Variants in AP2A1 observed in about 807,000 individuals in gnomAD.
AP2A1 encodes AP-2 complex subunit alpha-1.
In AP2A1, 21 loss-of-function variants were observed where a neutral mutation model predicts 107.3. The ratio of observed to expected loss-of-function variants is 0.20; its 90% CI spans 0.14 to 0.28. The LOEUF (loss-of-function observed/expected upper bound fraction) is 0.28. AP2A1 is among the 10% of genes least tolerant of loss of function. AP2A1 has a pLI of 1.00. For missense variants in AP2A1, 873 were observed against 1,307.7 expected (o/e 0.67, Z 5.13); for synonymous variants, 602 against 564.8 (o/e 1.07, Z -0.93).
Position 49,781,938 on chromosome 19 carries a change from C to T in AP2A1, c.137-9C>T. ...TTCTGGCTCCCCTTTCCTCCTTCCT[C>T]TGCCCTAGGAGACAAAGCCTTGGAT... On this transcript the variant is annotated splice_polypyrimidine_tract_variant and intron_variant, in intron 2 of 22. Transcript: ENST00000354293. The T allele has an allele frequency of 6.2e-7, 1 of 1,611,512 alleles. No individual in the cohort carries two copies. The highest frequency in any genetic ancestry group is 8.5e-7 in the Non-Finnish European group (1 of 1,179,042).
rs2073096063 is a variant in AP2A1 at position 49,788,082 on chromosome 19, G to A, written c.474-3853G>A. The stretch of plus-strand genomic sequence containing the variant: ...CCACGTCAGCCACTCCAGCAGCCGG[G>A]ACTACAGGCACAAGCCACCAGGCCT... On this transcript the variant is annotated intron_variant, in intron 4 of 22. Coordinates refer to ENST00000354293, the MANE Select transcript of AP2A1 (RefSeq NM_130787.3). This position sits in a 1 kb window ranked among gnomAD's most constrained non-coding sequence, Gnocchi z 4.5. Among the ~76,000 whole-genome samples, 1 of 152,162 alleles carries A rather than the reference G, an allele frequency of 6.6e-6. No homozygotes were observed. The highest frequency in any genetic ancestry group is 1.5e-5 in the Non-Finnish European group (1 of 68,032).
chr19:49,791,966 G>T lies in AP2A1; in HGVS notation c.505G>T (p.Ala169Ser), dbSNP rs1451235524. Residue 169 changes from alanine to serine, a missense_variant, in exon 5 of 23, where the codon GCC becomes TCC. By Grantham distance (99) the Ala-to-Ser change is moderately conservative. Transcript: ENST00000354293. ...CATGGACAGTGTCAAGCAGAGTGCG[G>T]CCCTGTGCCTCCTTCGACTGTACAA... ...DSMDSVKQSA[A>S]LCLLRLYKAS... The T allele has an allele frequency of 6.2e-7, 1 of 1,611,684 alleles. No individual in the cohort carries two copies. The highest frequency in any genetic ancestry group is 8.5e-7 in the Non-Finnish European group (1 of 1,179,242).
rs1211024322 is a variant in AP2A1 at position 49,805,614 on chromosome 19, CG to C, written c.2468+42del. The C allele has an allele frequency of 6.4e-6, 10 of 1,556,592 alleles. No homozygotes were observed. The African/African-American group carries it at 8.2e-5, about 13-fold the overall frequency. ...CGGCGCGGCCGGTGGGCGGAGCCTCCGGGGTGAGGGGCGGGGCCTAATGGAG... is the reference window on the plus strand; with the variant it reads ...CGGCGCGGCCGGTGGGCGGAGCCTCCGGGTGAGGGGCGGGGCCTAATGGAG... On this transcript the variant is annotated intron_variant, in intron 19 of 22. Transcript: ENST00000354293.
At chr19:49,803,679 A>G in intron 18 of AP2A1, 2 of 432,782 alleles carry the variant, frequency 4.6e-6, no homozygotes, top group South Asian at 4.2e-5. Context: ...GCTCCATGTC[A>G]TGATGCCAGC....
At chr19:49,787,268 C>T (rs1375369412) in intron 4 of AP2A1, among the ~76,000 whole-genome samples, 1 of 151,648 alleles carries the variant, frequency 6.6e-6, no homozygotes, top group Non-Finnish European at 1.5e-5. Context: ...AGCAATCCTC[C>T]TGCCTCAGCC....
At chr19:49,806,646 C>A (rs746617556) in intron 22 of AP2A1, 35 bp from the exon 23 acceptor site, 1 of 1,611,404 alleles carries the variant, frequency 6.2e-7, no homozygotes, top group Admixed American at 1.7e-5. Context: ...GGCTCCCCAT[C>A]TCCTCTGAGT....
At position 49,801,614 on chromosome 19, in the gene AP2A1, A is replaced by G. The variant is rs2073279578; in HGVS notation, c.1778A>G (p.Asp593Gly). The change falls in exon 13 of 23, where the codon GAC becomes GGC. Residue 593 changes from aspartate to glycine, a missense_variant. Physicochemically the swap from Asp to Gly is moderately conservative, Grantham distance 94. Around this residue, in one of 4 missense-constraint regions of AP2A1, gnomAD observed 213 missense variants for 443.5 expected, o/e 0.48. Coordinates refer to ENST00000354293, the MANE Select transcript of AP2A1 (RefSeq NM_130787.3). The stretch of plus-strand genomic sequence containing the variant: ...ACCCTCAGCTCAGTGGCCAGCACCG[A>G]CGTCCTGGTCAGAGCCCTGTCCCCC... ...YLTLSSVAST[D>G]VLATVLEEMP... The G allele has an allele frequency of 6.2e-7, 1 of 1,610,866 alleles. No individual in the cohort carries two copies.
intron 4 of AP2A1, among the ~76,000 whole-genome samples, chr19:49,783,828 T>G (rs922559752): frequency 2.0e-5 from 3 of 152,192 alleles, no homozygotes; most frequent in African/African-American, 7.2e-5. Context: ...TAAACCCCCT[T>G]GGGGACTATG....
intron 1 of AP2A1, among the ~76,000 whole-genome samples, chr19:49,774,404 A>C (rs540156828): frequency 6.6e-6 from 1 of 152,088 alleles, no homozygotes; most frequent in African/African-American, 2.4e-5. Flanking sequence ...CCTGCTGAGC[A>C]GGGGGGCTGA....
rs78344384 is a variant in AP2A1, at chr19:49,775,765, G to A, written c.68-5992G>A. Reference sequence around the variant, plus strand: ...TTGTACAGGAAGCACATCAGGTCTCGGTCTCTGTAGAGGAAATGTCCTTGG... The same window carrying A: ...TTGTACAGGAAGCACATCAGGTCTCAGTCTCTGTAGAGGAAATGTCCTTGG... On this transcript the variant is annotated intron_variant, in intron 1 of 22. Coordinates refer to ENST00000354293, the MANE Select transcript of AP2A1 (RefSeq NM_130787.3). 6.9e-3 allele frequency among the ~76,000 whole-genome samples: 1,058 copies of A among 152,292 alleles called. 16 individuals carry two copies. Among genetic ancestry groups the A allele is most frequent in the African/African-American group, 0.024 (990 of 41,572 alleles).
rs1331892655 is a variant in AP2A1, at chr19:49,788,761, G to T, written c.474-3174G>T. 6.6e-6 allele frequency among the ~76,000 whole-genome samples: 1 copy of T among 152,148 alleles called. No individual in the cohort carries two copies. Among genetic ancestry groups the T allele is most frequent in the Non-Finnish European group, 1.5e-5 (1 of 68,032 alleles). On this transcript the variant is annotated intron_variant, in intron 4 of 22. Transcript: ENST00000354293. The surrounding 1 kb of genome is among the most constrained non-coding windows in gnomAD (Gnocchi z 4.5). ...TGGAGTCAGGGCTCGGGAGATGTGC[G>T]CTGTGACGGAGGTGGGAAAGTGCCG...
chr19:49,772,265 T>C (rs1386194680), intron 1 of AP2A1, among the ~76,000 whole-genome samples: 2 of 134,062 alleles, frequency 1.5e-5, no homozygotes, highest in East Asian at 4.4e-4. Context: ...TTTTTTTTTT[T>C]TTTTTTTTTT....
intron 4 of AP2A1, among the ~76,000 whole-genome samples, chr19:49,791,155 C>T (rs1226848876): frequency 6.6e-6 from 1 of 152,266 alleles, no homozygotes; most frequent in African/African-American, 2.4e-5. Context: ...GCTGTTCCCT[C>T]TGCCTGGGAT....
In AP2A1 at chr19:49,805,446, C is replaced by A. The variant is rs1280173665; in HGVS notation, c.2345-7C>A. On this transcript the variant is annotated splice_region_variant and splice_polypyrimidine_tract_variant and intron_variant, in intron 18 of 22. Transcript: ENST00000354293. ...TCTGTCTGGCTTCCTTGACTCCTGGCGGGCACAGCTGGCTGTGCAGACCAA... is the reference window on the plus strand; with the variant it reads ...TCTGTCTGGCTTCCTTGACTCCTGGAGGGCACAGCTGGCTGTGCAGACCAA... 5.2e-6 allele frequency: 8 copies of A among 1,530,350 alleles called. No homozygotes were observed. Among genetic ancestry groups the A allele is most frequent in the Non-Finnish European group, 7.1e-6 (8 of 1,133,216 alleles). The allele number at this position is 1,530,350 out of a possible 1,614,324, so 94.8% of individuals were successfully genotyped here. A position where few individuals can be genotyped will look rare whatever the true frequency, so the allele number is the denominator to read the frequency against.
At chr19:49,799,057 T>C (rs1018758184) in intron 8 of AP2A1, 105 bp downstream of exon 8, 17 of 1,433,434 alleles carry the variant, frequency 1.2e-5, no homozygotes, top group Admixed American at 8.9e-5. Context: ...TCTTGACTTT[T>C]AGGTAGGGTA....
intron 7 of AP2A1, among the ~76,000 whole-genome samples, chr19:49,797,738 A>T (rs2073229483): frequency 6.6e-6 from 1 of 152,118 alleles, no homozygotes; most frequent in South Asian, 2.1e-4. Context: ...AAAAAAATAA[A>T]AAAATAAAAA....
At chr19:49,775,097 A>G (rs548222707) in intron 1 of AP2A1, among the ~76,000 whole-genome samples, 54 of 151,098 alleles carry the variant, frequency 3.6e-4, no homozygotes, top group African/African-American at 1.3e-3. Flanking sequence ...GCATGGTGGC[A>G]TGCACCTGTA....
At position 49,799,621 on chromosome 19, in the gene AP2A1, G is replaced by A. The variant is rs372135964; in HGVS notation, c.1135-8G>A. On this transcript the variant is annotated splice_polypyrimidine_tract_variant and splice_region_variant and intron_variant, in intron 9 of 22. Transcript: ENST00000354293. Reference sequence around the variant, plus strand: ...AAAACACACCTGGGCTCTGCTCTCCGCCCTCAGACGGAGCGGGACGTCAGC... The same window carrying A: ...AAAACACACCTGGGCTCTGCTCTCCACCCTCAGACGGAGCGGGACGTCAGC... The A allele has an allele frequency of 1.7e-5, 28 of 1,608,038 alleles. No homozygotes were observed. Among genetic ancestry groups the A allele is most frequent in the South Asian group, 4.4e-5 (4 of 91,006 alleles).
chr19:49,786,594 CA>C (rs781440648), intron 4 of AP2A1, among the ~76,000 whole-genome samples: 3 of 152,054 alleles, frequency 2.0e-5, no homozygotes, highest in Non-Finnish European at 4.4e-5. Flanking sequence ...TACGCTCTGG[CA>C]GGGGGGGTGG....
Sources: allele counts gnomAD v4.1 joint callset (sites outside exome capture counted in the v4.1 genomes callset), GRCh38; gene constraint gnomAD v4.1.1; regional missense constraint gnomAD v4.1.1; non-coding constraint Gnocchi (gnomAD v3.1); transcripts MANE v1.5; gene names NCBI Gene and HGNC (gene_info 2026-07-23, HGNC 2026-07-21).